The following ASCC3 variants were observed in gnomAD, a reference collection of about 807,000 sequenced individuals.
ASCC3 encodes the protein ASC-1 complex subunit P200.
ASCC3 carries 158 observed loss-of-function variants against 256.3 expected under a neutral mutation model. The observed-to-expected ratio is 0.62, with a 90% CI of 0.54 to 0.70. The LOEUF (loss-of-function observed/expected upper bound fraction) is 0.70, where lower values mean the gene tolerates loss of function less well. Ranked by LOEUF, ASCC3 falls within the 30% of genes least tolerant of loss-of-function variation. The probability of loss-of-function intolerance (pLI) is 0.00; values close to 1 mark genes in which losing one functional copy is unlikely to be tolerated. For missense variants in ASCC3, 2,259 were observed against 2,626.0 expected (o/e 0.86, Z 3.05); for synonymous variants, 948 against 883.4 (o/e 1.07, Z -1.30).
intron 14 of ASCC3, among the ~76,000 whole-genome samples, chr6:100,669,804 T>G (rs1044925629): frequency 1.3e-5 from 2 of 151,892 alleles, no homozygotes; most frequent in African/African-American, 4.8e-5. Flanking sequence ...ATATTAAATT[T>G]TTTAATCAAC....
At chr6:100,868,922 T>C (rs907644139) in intron 1 of ASCC3, among the ~76,000 whole-genome samples, 1 of 152,194 alleles carries the variant, frequency 6.6e-6, no homozygotes, top group Admixed American at 6.5e-5. Context: ...AAAAGATTAA[T>C]AATATTTACT....
At position 100,509,372 on chromosome 6, in the gene ASCC3, T is replaced by G; in HGVS notation, c.*14A>C. 6.2e-7 allele frequency: 1 copy of G among 1,613,940 alleles called. No individual in the cohort carries two copies. On this transcript the variant is annotated 3_prime_UTR_variant, in exon 42 of 42. Transcript: ENST00000369162. ...TTCTTAGCCACTCCTTTCAAATGGATTGTTCAGGTCAAGTTACTTTAATGC... is the reference window on the plus strand; with the variant it reads ...TTCTTAGCCACTCCTTTCAAATGGAGTGTTCAGGTCAAGTTACTTTAATGC...
chr6:100,778,169 T>C (rs1045911876), intron 8 of ASCC3, among the ~76,000 whole-genome samples: 1 of 150,918 alleles, frequency 6.6e-6, no homozygotes, highest in Admixed American at 6.6e-5. Flanking sequence ...TTTTAGGATA[T>C]GAGGAAGATT....
intron 34 of ASCC3, among the ~76,000 whole-genome samples, chr6:100,598,847 CTATCTG>C (rs1199687629): frequency 6.6e-6 from 1 of 152,224 alleles, no homozygotes; most frequent in East Asian, 1.9e-4. Context: ...CTGATCAATA[CTATCTG>C]ACAGTTTACA....
Position 100,589,642 on chromosome 6 carries a change from T to G in ASCC3, c.5542A>C (p.Ile1848Leu). The G allele has an allele frequency of 6.2e-7, 1 of 1,613,420 alleles. No homozygotes were observed. The highest frequency in any genetic ancestry group is 8.5e-7 in the Non-Finnish European group (1 of 1,179,708). Reference sequence around the variant, plus strand: ...ATATATGAAAAACTCACACTTAGAATTGAAAGCAGTTCTTCAGTACTGCAT... The same window carrying G: ...ATATATGAAAAACTCACACTTAGAAGTGAAAGCAGTTCTTCAGTACTGCAT... ...PECSTEELLSILSDAEEYTDL... is the reference protein window; with the variant it reads ...PECSTEELLSLLSDAEEYTDL... Residue 1848 changes from isoleucine (I) to leucine (L), a missense_variant, in exon 36 of 42, where the codon ATT becomes CTT. Ile to Leu is a conservative substitution (Grantham distance 5). Coordinates refer to ENST00000369162, the MANE Select transcript of ASCC3 (RefSeq NM_006828.4).
chr6:100,867,581 G>C (rs1033385274), intron 2 of ASCC3, among the ~76,000 whole-genome samples: 28 of 151,530 alleles, frequency 1.8e-4, no homozygotes, highest in Admixed American at 9.2e-4. Context: ...AGAGACCACT[G>C]GTAAAAAAAC....
chr6:100,670,613 T>C (rs902186845), intron 14 of ASCC3, among the ~76,000 whole-genome samples: 4 of 131,682 alleles, frequency 3.0e-5, no homozygotes, highest in Non-Finnish European at 4.7e-5. Flanking sequence ...TCTGTGCATG[T>C]TCAGAACAGA....
chr6:100,758,012 C>T (rs996092077), intron 10 of ASCC3, among the ~76,000 whole-genome samples: 4 of 152,120 alleles, frequency 2.6e-5, no homozygotes, highest in African/African-American at 9.7e-5. Flanking sequence ...TGAAGACTGG[C>T]ACTGATGGGT....
At position 100,702,480 on chromosome 6, in the gene ASCC3, T is replaced by A. The variant is rs182776889; in HGVS notation, c.2151+12982A>T. Among the ~76,000 whole-genome samples, 621 of 152,158 alleles carry A rather than the reference T, an allele frequency of 4.1e-3. 5 individuals carry two copies. Among genetic ancestry groups the A allele is most frequent in the African/African-American group, 0.014 (601 of 41,502 alleles). On this transcript the variant is annotated intron_variant, in intron 13 of 41. Transcript: ENST00000369162. Reference sequence around the variant, plus strand: ...AAGAGAAAAGGCCAGCCACACAGGATCATATGGATCCAGAGCTCAGAAAAG... The same window carrying A: ...AAGAGAAAAGGCCAGCCACACAGGAACATATGGATCCAGAGCTCAGAAAAG...
At chr6:100,567,985 T>C (rs1770359482) in intron 36 of ASCC3, among the ~76,000 whole-genome samples, 2 of 152,212 alleles carry the variant, frequency 1.3e-5, no homozygotes, top group South Asian at 4.1e-4. Context: ...CCACAGTGGC[T>C]GAACTAATTT....
intron 4 of ASCC3, among the ~76,000 whole-genome samples, chr6:100,811,807 T>C (rs1770482886): frequency 6.6e-6 from 1 of 152,080 alleles, no homozygotes; most frequent in Non-Finnish European, 1.5e-5. Context: ...AGGAGAGAAC[T>C]GAGTAAAGAG....
At chr6:100,520,381 T>A (rs181078231) in intron 37 of ASCC3, among the ~76,000 whole-genome samples, 79 of 151,904 alleles carry the variant, frequency 5.2e-4, no homozygotes, top group Non-Finnish European at 2.1e-4. Context: ...TAACTACTCA[T>A]ATTTTCCCAC....
chr6:100,589,644 G>A lies in ASCC3; in HGVS notation c.5540C>T (p.Ser1847Leu). ...KPECSTEELL[S>L]ILSDAEEYTD... is the part of the protein sequence containing the mutation. ...ATATGAAAAACTCACACTTAGAATT[G>A]AAAGCAGTTCTTCAGTACTGCATTC... is the stretch of plus-strand genomic sequence containing the variant. The change falls in exon 36 of 42, where the codon TCA becomes TTA. Residue 1847 changes from serine to leucine, a missense_variant. Physicochemically the swap from Ser to Leu is moderately radical, Grantham distance 145. Around this residue, in one of 2 missense-constraint regions of ASCC3, gnomAD observed 1,839 missense variants for 2,206.7 expected, o/e 0.83. Transcript: ENST00000369162. 1.2e-6 allele frequency: 2 copies of A among 1,613,388 alleles called. No homozygotes were observed. Among genetic ancestry groups the A allele is most frequent in the Non-Finnish European group, 1.7e-6 (2 of 1,179,712 alleles).
intron 40 of ASCC3, among the ~76,000 whole-genome samples, chr6:100,511,102 T>C (rs556676750): frequency 6.6e-6 from 1 of 152,320 alleles, no homozygotes; most frequent in South Asian, 2.1e-4. Flanking sequence ...TAGTTTGTAA[T>C]TATTACTTTT....
chr6:100,866,982 T>G (rs1257980720), intron 2 of ASCC3, among the ~76,000 whole-genome samples: 1 of 152,220 alleles, frequency 6.6e-6, no homozygotes, highest in Non-Finnish European at 1.5e-5. Context: ...TTCCATAATA[T>G]TAAAACTTGT....
At chr6:100,832,248 T>G (rs1056279099) in intron 4 of ASCC3, among the ~76,000 whole-genome samples, 1 of 152,134 alleles carries the variant, frequency 6.6e-6, no homozygotes, top group Non-Finnish European at 1.5e-5. Context: ...AGACTGCAAG[T>G]CTTTCAGCAA....
chr6:100,659,782 T>C (rs994308237), intron 16 of ASCC3, among the ~76,000 whole-genome samples: 14 of 151,632 alleles, frequency 9.2e-5, no homozygotes, highest in African/African-American at 3.4e-4. Flanking sequence ...ATAAGTTTAC[T>C]GAGATATAGT....
chr6:100,793,887 A>T (rs1440711737), intron 8 of ASCC3, among the ~76,000 whole-genome samples: 1 of 151,954 alleles, frequency 6.6e-6, no homozygotes, highest in Non-Finnish European at 1.5e-5. Flanking sequence ...GAACATGCAC[A>T]AAAGTTTTTC....
intron 36 of ASCC3, among the ~76,000 whole-genome samples, chr6:100,551,921 G>A (rs1769321767): frequency 6.6e-6 from 1 of 151,890 alleles, no homozygotes; most frequent in Non-Finnish European, 1.5e-5. Context: ...TGGGCATGGT[G>A]TGGGATGAGG....
Sources: allele counts gnomAD v4.1 joint callset (sites outside exome capture counted in the v4.1 genomes callset), GRCh38; gene constraint gnomAD v4.1.1; regional missense constraint gnomAD v4.1.1; transcripts MANE v1.5; gene names NCBI Gene and HGNC (gene_info 2026-07-23, HGNC 2026-07-21).